LMBRD1: variants seen among roughly 807,000 people sequenced by gnomAD.
LMBRD1 encodes the protein LMBR1 domain containing 1.
A neutral mutation model predicts 74.8 loss-of-function variants in LMBRD1; 64 were observed. The ratio of observed to expected loss-of-function variants is 0.86; its 90% CI spans 0.70 to 1.05. LMBRD1 has a LOEUF of 1.05. LMBRD1 is among the 50% of genes least tolerant of loss of function. LMBRD1 has a pLI of 0.00. For missense variants in LMBRD1, 652 were observed against 645.9 expected (o/e 1.01, Z -0.10); for synonymous variants, 204 against 216.3 (o/e 0.94, Z 0.50).
intron 2 of LMBRD1, among the ~76,000 whole-genome samples, chr6:69,783,721 TA>T (rs142966161): frequency 0.055 from 8,431 of 152,184 alleles, 324 homozygotes; most frequent in Non-Finnish European, 0.083. Context: ...GGCCAGAGAA[TA>T]ATAACAACTA....
chr6:69,704,909 T>G (rs551445105), intron 9 of LMBRD1, among the ~76,000 whole-genome samples: 32 of 125,374 alleles, frequency 2.6e-4, no homozygotes, highest in African/African-American at 3.3e-4. Context: ...GGACATTTGT[T>G]TTTTTTTTTT....
At chr6:69,791,703 A>G (rs1766089767) in intron 1 of LMBRD1, among the ~76,000 whole-genome samples, 1 of 152,198 alleles carries the variant, frequency 6.6e-6, no homozygotes, top group Non-Finnish European at 1.5e-5. Flanking sequence ...AAATCCTTCT[A>G]CCGCAAGCAA....
chr6:69,776,905 A>T (rs968043692), intron 3 of LMBRD1, among the ~76,000 whole-genome samples: 7 of 152,210 alleles, frequency 4.6e-5, no homozygotes, highest in African/African-American at 1.7e-4. Context: ...CTGTAATCCC[A>T]GCACTTTGAG....
At chr6:69,679,676 G>A (rs1025669603) in intron 14 of LMBRD1, among the ~76,000 whole-genome samples, 4 of 152,052 alleles carry the variant, frequency 2.6e-5, no homozygotes, top group African/African-American at 7.2e-5. Flanking sequence ...GTCCAGCATG[G>A]TGAACGAAGA....
In LMBRD1 at chr6:69,710,064, T is replaced by C. The variant is rs77130156; in HGVS notation, c.915+3581A>G. On this transcript the variant is annotated intron_variant, in intron 9 of 15. Coordinates refer to ENST00000649934, the MANE Select transcript of LMBRD1 (RefSeq NM_018368.4). Reference sequence around the variant, plus strand: ...AGGATTTGGCAAAGCCAAAATGATTTTGAAAAAGGAAAATAAAACTGAATA... The same window carrying C: ...AGGATTTGGCAAAGCCAAAATGATTCTGAAAAAGGAAAATAAAACTGAATA... 7.1e-3 allele frequency among the ~76,000 whole-genome samples: 1,076 copies of C among 152,180 alleles called. 23 individuals are homozygous for C. The East Asian group carries it at 0.079, about 11-fold the overall frequency.
At chr6:69,728,152 A>G (rs1241849090) in intron 7 of LMBRD1, among the ~76,000 whole-genome samples, 12 of 152,176 alleles carry the variant, frequency 7.9e-5, no homozygotes, top group Admixed American at 7.9e-4. Flanking sequence ...AGCACGTTAT[A>G]TGTTGCTGGA....
intron 7 of LMBRD1, among the ~76,000 whole-genome samples, chr6:69,730,925 CATCTT>C (rs1766842362): frequency 1.3e-5 from 2 of 152,164 alleles, no homozygotes; most frequent in Admixed American, 1.3e-4. Context: ...AACAGCAAAA[CATCTT>C]AAATTTACAG....
At chr6:69,782,021 C>T (rs1765842553) in intron 2 of LMBRD1, among the ~76,000 whole-genome samples, 4 of 152,262 alleles carry the variant, frequency 2.6e-5, no homozygotes, top group Non-Finnish European at 5.9e-5. Context: ...ATTATATAAC[C>T]TTTCACCTAC....
chr6:69,780,868 T>C (rs79300186), intron 2 of LMBRD1, among the ~76,000 whole-genome samples: 2 of 151,806 alleles, frequency 1.3e-5, no homozygotes, highest in East Asian at 3.9e-4. Context: ...CAGAAAATAG[T>C]AGGAAGGAAA....
rs117890991 is a variant in LMBRD1 at position 69,711,898 on chromosome 6, G to A, written c.915+1747C>T. Among the ~76,000 whole-genome samples the A allele has an allele frequency of 7.1e-3, 1,082 of 151,978 alleles. 24 individuals carry two copies. In the East Asian group the frequency reaches 0.08, roughly 11 times the overall value. On this transcript the variant is annotated intron_variant, in intron 9 of 15. Transcript: ENST00000649934. Reference sequence around the variant, plus strand: ...AGGTTTGCTACATAGGTAAACTTGCGTCATGGGGGTTGTTGTACAGATTAT... The same window carrying A: ...AGGTTTGCTACATAGGTAAACTTGCATCATGGGGGTTGTTGTACAGATTAT...
At chr6:69,716,752 G>A (rs1341440945) in intron 8 of LMBRD1, among the ~76,000 whole-genome samples, 1 of 151,554 alleles carries the variant, frequency 6.6e-6, no homozygotes, top group African/African-American at 2.4e-5. Context: ...TTAAATTTTT[G>A]TTGAGGGCCA....
At chr6:69,766,334 C>G (rs1765474570) in intron 3 of LMBRD1, among the ~76,000 whole-genome samples, 3 of 151,836 alleles carry the variant, frequency 2.0e-5, no homozygotes. Flanking sequence ...TTGGGAAGTT[C>G]TCCTCTGTAA....
chr6:69,688,712 C>T (rs1765817830), intron 14 of LMBRD1, among the ~76,000 whole-genome samples: 1 of 150,610 alleles, frequency 6.6e-6, no homozygotes. Context: ...ATGTGTAATA[C>T]TTTTAATTGC....
intron 9 of LMBRD1, among the ~76,000 whole-genome samples, chr6:69,703,252 A>G (rs954146894): frequency 6.6e-6 from 1 of 152,002 alleles, no homozygotes; most frequent in Non-Finnish European, 1.5e-5. Context: ...GGATTCAGGC[A>G]TCTATATTTG....
chr6:69,730,858 A>G (rs1464649670), intron 7 of LMBRD1, among the ~76,000 whole-genome samples: 1 of 152,102 alleles, frequency 6.6e-6, no homozygotes, highest in Non-Finnish European at 1.5e-5. Context: ...AAAGAGAAGC[A>G]TTTTTCTGCT....
intron 3 of LMBRD1, among the ~76,000 whole-genome samples, chr6:69,756,713 A>G (rs946614730): frequency 5.9e-5 from 9 of 152,228 alleles, no homozygotes; most frequent in Admixed American, 4.6e-4. Flanking sequence ...CAGGGCACTT[A>G]TTGGAGACTT....
intron 7 of LMBRD1, among the ~76,000 whole-genome samples, chr6:69,730,864 C>T (rs563486632): frequency 6.6e-6 from 1 of 152,046 alleles, no homozygotes; most frequent in African/African-American, 2.4e-5. Flanking sequence ...AAGCATTTTT[C>T]TGCTTAGGTA....
intron 9 of LMBRD1, among the ~76,000 whole-genome samples, chr6:69,708,989 C>T (rs1425997058): frequency 6.6e-6 from 1 of 152,156 alleles, no homozygotes; most frequent in African/African-American, 2.4e-5. Context: ...AATCCCAGCA[C>T]TTTGGGAGGC....
intron 7 of LMBRD1, among the ~76,000 whole-genome samples, chr6:69,727,208 T>G (rs1325452896): frequency 1.3e-5 from 2 of 152,202 alleles, no homozygotes; most frequent in African/African-American, 4.8e-5. Context: ...ATAATTGGAC[T>G]GTTTGTAACA....
Sources: gnomAD v4.1 joint callset for allele counts (sites outside exome capture counted in the v4.1 genomes callset) on GRCh38, gnomAD v4.1.1 for gene constraint, MANE v1.5 for transcripts, NCBI Gene and HGNC (gene_info 2026-07-23, HGNC 2026-07-21) for gene names.